The following CNTN5 variants were observed in gnomAD, a reference collection of about 807,000 sequenced individuals.
The protein encoded by CNTN5 is contactin 5, also known as contactin-5.
In CNTN5, 77 loss-of-function variants were observed where a neutral mutation model predicts 129.1. The observed-to-expected ratio is 0.60, with a 90% CI of 0.50 to 0.72. CNTN5 has a LOEUF of 0.72. Among genes scored for constraint, CNTN5 ranks in the 30% least tolerant of loss-of-function variants. The probability of loss-of-function intolerance (pLI) is 0.00; values close to 1 mark genes in which losing one functional copy is unlikely to be tolerated. For missense variants in CNTN5, 1,478 were observed against 1,328.8 expected (o/e 1.11, Z -1.75); for synonymous variants, 509 against 465.6 (o/e 1.09, Z -1.20).
chr11:99,288,502 T>C (rs904958703), intron 1 of CNTN5, among the ~76,000 whole-genome samples: 12 of 151,960 alleles, frequency 7.9e-5, no homozygotes, highest in Non-Finnish European at 1.3e-4. Context: ...TGTCCAATGA[T>C]GTAATTGATC....
intron 9 of CNTN5, among the ~76,000 whole-genome samples, chr11:100,010,892 T>C (rs974255163): frequency 2.0e-5 from 3 of 152,148 alleles, no homozygotes; most frequent in African/African-American, 7.2e-5. Flanking sequence ...TAATCCTCCC[T>C]GCTTTTCTTG....
At chr11:99,522,423 A>AT (rs976493700) in intron 2 of CNTN5, among the ~76,000 whole-genome samples, 8 of 152,142 alleles carry the variant, frequency 5.3e-5, no homozygotes, top group Admixed American at 5.2e-4. Flanking sequence ...AATACTATAC[A>AT]TTTTTTTCAA....
At chr11:99,075,312 G>T (rs1865516872) in intron 1 of CNTN5, among the ~76,000 whole-genome samples, 1 of 152,034 alleles carries the variant, frequency 6.6e-6, no homozygotes, top group Admixed American at 6.6e-5. Context: ...TCACTAAACA[G>T]GAATTTTTAA....
At position 100,306,015 on chromosome 11, in the gene CNTN5, G is replaced by T. The variant is rs186897649; in HGVS notation, c.2621-2344G>T. ...TAAGAAGTTCACAAATTTTGGGGGG[G>T]GCACATTCAAAGCTGTCCTGGGCCA... On this transcript the variant is annotated intron_variant, in intron 20 of 24. Transcript: ENST00000524871. Among the ~76,000 whole-genome samples, 29 of 151,308 alleles carry T rather than the reference G, an allele frequency of 1.9e-4. 1 individual carries two copies. In the East Asian group the frequency reaches 5.1e-3, roughly 27 times the overall value.
chr11:99,524,802 CA>C (rs970248565), intron 2 of CNTN5, among the ~76,000 whole-genome samples: 3 of 139,386 alleles, frequency 2.2e-5, no homozygotes, highest in Non-Finnish European at 4.7e-5. Context: ...GATTCCATCT[CA>C]AAAAAAAACA....
chr11:99,864,011 A>G (rs1232841654), intron 6 of CNTN5, among the ~76,000 whole-genome samples: 2 of 152,178 alleles, frequency 1.3e-5, no homozygotes, highest in Non-Finnish European at 2.9e-5. Flanking sequence ...ATGGGGAAAG[A>G]CATGTGAGTC....
At chr11:99,488,248 C>G (rs894222974) in intron 2 of CNTN5, among the ~76,000 whole-genome samples, 2 of 147,186 alleles carry the variant, frequency 1.4e-5, no homozygotes, top group African/African-American at 5.0e-5. Context: ...TCTCGGCTCA[C>G]TGGAACCTCC....
chr11:99,561,551 TG>T (rs1459107893), intron 3 of CNTN5, among the ~76,000 whole-genome samples: 2 of 152,058 alleles, frequency 1.3e-5, no homozygotes, highest in African/African-American at 2.4e-5. Context: ...GAATGGGAAA[TG>T]GGGGCCAAAA....
intron 13 of CNTN5, among the ~76,000 whole-genome samples, chr11:100,091,292 G>C (rs1486430856): frequency 6.6e-6 from 1 of 151,654 alleles, no homozygotes; most frequent in Non-Finnish European, 1.5e-5. Flanking sequence ...TTACCTTCTC[G>C]GAGGCCTTCC....
In CNTN5 at chr11:99,413,811, A is replaced by G. The variant is rs192517167; in HGVS notation, c.-71+88327A>G. 3.5e-3 allele frequency among the ~76,000 whole-genome samples: 536 copies of G among 152,312 alleles called. 2 individuals are homozygous for G. The highest frequency in any genetic ancestry group is 0.012 in the African/African-American group (516 of 41,572). The stretch of plus-strand genomic sequence containing the variant: ...TAAAGTTGGGAAAAGTAACACAGTA[A>G]GAGACTTCACCATCTGCAAGTGAAA... On this transcript the variant is annotated intron_variant, in intron 2 of 24. Transcript: ENST00000524871.
chr11:99,958,479 A>T (rs1950859462), intron 8 of CNTN5, among the ~76,000 whole-genome samples: 1 of 152,230 alleles, frequency 6.6e-6, no homozygotes. Context: ...TACAGGGTAC[A>T]TGGGAAATCC....
chr11:99,904,067 T>A (rs1320014040), intron 6 of CNTN5, among the ~76,000 whole-genome samples: 1 of 152,182 alleles, frequency 6.6e-6, no homozygotes, highest in South Asian at 2.1e-4. Flanking sequence ...ATTTTTGTTT[T>A]CTTTTATTGC....
chr11:99,461,580 A>T (rs1485447039), intron 2 of CNTN5, among the ~76,000 whole-genome samples: 3 of 152,156 alleles, frequency 2.0e-5, no homozygotes, highest in Non-Finnish European at 2.9e-5. Flanking sequence ...AACATTTACT[A>T]AGAAAGCATT....
intron 2 of CNTN5, among the ~76,000 whole-genome samples, chr11:99,440,960 A>G (rs1943804764): frequency 1.3e-5 from 2 of 152,150 alleles, no homozygotes; most frequent in South Asian, 4.1e-4. Flanking sequence ...AGCTGGTAAG[A>G]CAATACTTTG....
intron 1 of CNTN5, among the ~76,000 whole-genome samples, chr11:99,136,464 A>G (rs1808643316): frequency 6.6e-6 from 1 of 152,148 alleles, no homozygotes; most frequent in Admixed American, 6.6e-5. Context: ...ATTAATCACT[A>G]AAATTCAAAA....
At chr11:100,047,112 T>C (rs569063007) in intron 9 of CNTN5, among the ~76,000 whole-genome samples, 1 of 152,044 alleles carries the variant, frequency 6.6e-6, no homozygotes, top group South Asian at 2.1e-4. Context: ...AATACCAAGC[T>C]ATGAGTGTAC....
intron 3 of CNTN5, among the ~76,000 whole-genome samples, chr11:99,784,301 C>G (rs747498810): frequency 6.6e-6 from 1 of 151,946 alleles, no homozygotes; most frequent in Non-Finnish European, 1.5e-5. Context: ...CCTCCCTTAG[C>G]CCCCCACCCC....
At chr11:99,776,974 AT>A (rs1394024116) in intron 3 of CNTN5, among the ~76,000 whole-genome samples, 8 of 151,904 alleles carry the variant, frequency 5.3e-5, no homozygotes, top group African/African-American at 1.4e-4. Context: ...TATTTTAAAA[AT>A]GTCATTTTTT....
chr11:99,846,259 G>T (rs1947693572), intron 6 of CNTN5, among the ~76,000 whole-genome samples: 1 of 150,216 alleles, frequency 6.7e-6, no homozygotes. Context: ...CTGGGAGGCT[G>T]AGGCAGGAGA....
Sources: allele counts gnomAD v4.1 joint callset (sites outside exome capture counted in the v4.1 genomes callset), GRCh38; gene constraint gnomAD v4.1.1; transcripts MANE v1.5; gene names NCBI Gene and HGNC (gene_info 2026-07-23, HGNC 2026-07-21).